Variants in ENTPD3 observed in about 807,000 individuals in gnomAD.
The protein encoded by ENTPD3 is ectonucleoside triphosphate diphosphohydrolase 3.
Under a neutral mutation model 51.2 loss-of-function variants are expected in ENTPD3, and 60 were observed. The ratio of observed to expected loss-of-function variants is 1.17; its 90% CI spans 0.95 to 1.45. The LOEUF (loss-of-function observed/expected upper bound fraction) is 1.45. Ranked by LOEUF, ENTPD3 falls within the 40% of genes most tolerant of loss-of-function variation. ENTPD3 has a pLI of 0.00. For missense variants in ENTPD3, 593 were observed against 641.1 expected (o/e 0.93, Z 0.81); for synonymous variants, 221 against 238.4 (o/e 0.93, Z 0.67).
rs1484428538 is a variant in ENTPD3, at chr3:40,427,343, C to T, written c.1425C>T (p.Ser475=). ...LSLTNQIPAE[S]PLIRLPIEPP... Reference sequence around the variant, plus strand: ...TGACCAACCAGATCCCAGCTGAAAGCCCTCTGATCCGTCTGCCCATAGAAC... The same window carrying T: ...TGACCAACCAGATCCCAGCTGAAAGTCCTCTGATCCGTCTGCCCATAGAAC... Residue 475 remains serine, a synonymous_variant, in exon 11 of 11, where the codon AGC becomes AGT. Coordinates refer to ENST00000301825, the MANE Select transcript of ENTPD3 (RefSeq NM_001248.4). 1 of 1,614,160 alleles carries T rather than the reference C, an allele frequency of 6.2e-7. No homozygotes were observed. Among genetic ancestry groups the T allele is most frequent in the Non-Finnish European group, 8.5e-7 (1 of 1,180,034 alleles).
At chr3:40,412,041 C>CT (rs748442100) in intron 5 of ENTPD3, 79 bp downstream of exon 5, 6 of 1,356,836 alleles carry the variant, frequency 4.4e-6, no homozygotes, top group Non-Finnish European at 5.8e-6. Context: ...GAATGTAACT[C>CT]TATTTCTGGG....
At chr3:40,396,692 G>A (rs1008944461) in intron 3 of ENTPD3, among the ~76,000 whole-genome samples, 10 of 152,040 alleles carry the variant, frequency 6.6e-5, no homozygotes, top group Admixed American at 5.9e-4. Context: ...CCAGTCCCCC[G>A]CTTTATCATC....
intron 4 of ENTPD3, among the ~76,000 whole-genome samples, chr3:40,405,376 G>T (rs986553357): frequency 5.9e-5 from 9 of 151,768 alleles, no homozygotes; most frequent in Non-Finnish European, 8.8e-5. Flanking sequence ...TTGGTGGTGG[G>T]CGCCTATAAT....
At chr3:40,427,242 G>T (rs368041139) in intron 10 of ENTPD3, 30 bp from the exon 11 acceptor site, 42 of 1,560,760 alleles carry the variant, frequency 2.7e-5, no homozygotes, top group African/African-American at 5.4e-5. Flanking sequence ...GCCTTGCCCT[G>T]AGCGCTGAGC....
chr3:40,415,138 G>T (rs942354779), intron 6 of ENTPD3, among the ~76,000 whole-genome samples: 3 of 152,130 alleles, frequency 2.0e-5, no homozygotes, highest in Non-Finnish European at 4.4e-5. Flanking sequence ...GGGTCTTTGG[G>T]AGGGCAGTTG....
intron 4 of ENTPD3, among the ~76,000 whole-genome samples, chr3:40,410,948 G>A (rs1370072382): frequency 1.3e-5 from 2 of 152,058 alleles, no homozygotes; most frequent in African/African-American, 4.8e-5. Flanking sequence ...GAATGAGAAC[G>A]AATATGGAGG....
At chr3:40,412,956 G>T (rs764142548) in intron 5 of ENTPD3, among the ~76,000 whole-genome samples, 1 of 152,118 alleles carries the variant, frequency 6.6e-6, no homozygotes, top group African/African-American at 2.4e-5. Flanking sequence ...TAATAGAAAT[G>T]ATCTAAAAAC....
intron 3 of ENTPD3, among the ~76,000 whole-genome samples, chr3:40,399,270 T>G (rs1287523739): frequency 1.3e-5 from 2 of 152,132 alleles, no homozygotes; most frequent in Non-Finnish European, 2.9e-5. Context: ...AACGCAATAG[T>G]TGGATTTGAG....
chr3:40,415,975 G>T lies in ENTPD3; in HGVS notation c.733G>T (p.Val245Leu), dbSNP rs1275696975. ...TCTGAACACCAGCGACATCATGCAG[G>T]TGTCCCTGTATGGCTACGTATACAC... is the stretch of plus-strand genomic sequence containing the variant. Reference protein sequence around the residue: ...MDLNTSDIMQVSLYGYVYTLY... With the variant: ...MDLNTSDIMQLSLYGYVYTLY... Residue 245 changes from valine (V) to leucine (L), a missense_variant, in exon 7 of 11, where the codon GTG becomes TTG. Coordinates refer to ENST00000301825, the MANE Select transcript of ENTPD3 (RefSeq NM_001248.4). 1.2e-6 allele frequency: 2 copies of T among 1,613,732 alleles called. No homozygotes were observed. Among genetic ancestry groups the T allele is most frequent in the Admixed American group, 3.3e-5 (2 of 59,982 alleles).
chr3:40,409,906 T>C (rs1460132605), intron 4 of ENTPD3, among the ~76,000 whole-genome samples: 1 of 152,192 alleles, frequency 6.6e-6, no homozygotes, highest in Non-Finnish European at 1.5e-5. Flanking sequence ...AAAGTATATA[T>C]AGTAAATTAC....
chr3:40,392,574 CAAA>C (rs374441240), intron 3 of ENTPD3: 7 of 125,632 alleles, frequency 5.6e-5, no homozygotes, highest in Non-Finnish European at 5.2e-5. Context: ...CCATCTCTAT[CAAA>C]AAAAAAAAAA....
chr3:40,401,088 T>A, intron 4 of ENTPD3, 77 bp downstream of exon 4: 1 of 529,642 alleles, frequency 1.9e-6, no homozygotes, highest in Non-Finnish European at 2.9e-6. Flanking sequence ...CCTGGAGAGG[T>A]CCTGAGATGT....
At chr3:40,408,484 T>C (rs1955554945) in intron 4 of ENTPD3, among the ~76,000 whole-genome samples, 1 of 152,206 alleles carries the variant, frequency 6.6e-6, no homozygotes, top group African/African-American at 2.4e-5. Context: ...TGGGGATTCA[T>C]TTCACTAGTT....
chr3:40,425,630 C>T (rs944710920), intron 10 of ENTPD3, among the ~76,000 whole-genome samples: 1 of 151,946 alleles, frequency 6.6e-6, no homozygotes, highest in Non-Finnish European at 1.5e-5. Flanking sequence ...GGTGCTGTGG[C>T]TCATGCCTGT....
rs201499551 is a variant in ENTPD3, at chr3:40,388,046, C to T, written c.-12C>T. ...ACATCCTGTATTCTCTCACCTGCAG[C>T]TAGGAGAAAAGATGTTCACTGTGCT... On this transcript the variant is annotated splice_region_variant and 5_prime_UTR_variant, in exon 2 of 11. Transcript: ENST00000301825. 2 of 1,613,696 alleles carry T rather than the reference C, an allele frequency of 1.2e-6. No homozygotes were observed. The highest frequency in any genetic ancestry group is 2.2e-5 in the South Asian group (2 of 91,054).
chr3:40,412,434 A>C (rs181767034), intron 5 of ENTPD3, among the ~76,000 whole-genome samples: 2 of 152,324 alleles, frequency 1.3e-5, no homozygotes, highest in Admixed American at 1.3e-4. Context: ...GTTGTTATGA[A>C]ACAAGCATCT....
intron 3 of ENTPD3, among the ~76,000 whole-genome samples, chr3:40,400,261 T>C (rs1295686286): frequency 1.6e-5 from 2 of 127,950 alleles, no homozygotes; most frequent in African/African-American, 6.8e-5. Context: ...GTGAACTGCA[T>C]CTCAAAAAAA....
At chr3:40,410,443 GA>G (rs11371152) in intron 4 of ENTPD3, among the ~76,000 whole-genome samples, 10,056 of 120,232 alleles carry the variant, frequency 0.084, 750 homozygotes, top group African/African-American at 0.22. Flanking sequence ...CTCCATCTCA[GA>G]AAAAAAAAAA....
chr3:40,400,797 G>A (rs898952370), intron 3 of ENTPD3, 97 bp from the exon 4 acceptor site: 3 of 836,138 alleles, frequency 3.6e-6, no homozygotes, highest in South Asian at 1.7e-5. Context: ...GCGAAGCAGT[G>A]TGGATTAAGG....
Sources: gnomAD v4.1 joint callset for allele counts (sites outside exome capture counted in the v4.1 genomes callset) on GRCh38, gnomAD v4.1.1 for gene constraint, MANE v1.5 for transcripts, NCBI Gene and HGNC (gene_info 2026-07-23, HGNC 2026-07-21) for gene names.